Variants in FOXN3 observed in about 807,000 individuals in gnomAD.
FOXN3 encodes forkhead box N3, also known as forkhead box protein N3.
A neutral mutation model predicts 38.4 loss-of-function variants in FOXN3; 7 were observed. The observed-to-expected ratio is 0.18, with a 90% CI of 0.10 to 0.34. FOXN3 has a LOEUF of 0.34. Among genes scored for constraint, FOXN3 ranks in the 10% least tolerant of loss-of-function variants. The pLI is 1.00. For synonymous variants in FOXN3, 230 were observed against 242.2 expected (o/e 0.95, Z 0.47); for missense variants, 456 against 613.4 (o/e 0.74, Z 2.71).
intron 1 of FOXN3, among the ~76,000 whole-genome samples, chr14:89,541,140 G>A (rs1894784246): frequency 6.6e-6 from 1 of 152,160 alleles, no homozygotes. Context: ...TTGGATATAT[G>A]AATGGAACCA....
In FOXN3 at chr14:89,163,006, A is replaced by C; in HGVS notation, c.852-37T>G. On this transcript the variant is annotated intron_variant, in intron 5 of 5. Coordinates refer to ENST00000557258, the MANE Select transcript of FOXN3 (RefSeq NM_005197.4). The surrounding 1 kb of genome is among the most constrained non-coding windows in gnomAD (Gnocchi z 4.3). ...GGACAGTGGGGAGGGACGGGAGACA[A>C]AGAAGGGACACAGTTAGACGTCCTC... The C allele has an allele frequency of 6.7e-7, 1 of 1,501,776 alleles. No homozygotes were observed. The allele number at this position is 1,501,776 out of a possible 1,614,324, so 93.0% of individuals were successfully genotyped here.
chr14:89,360,827 CACCACT>C (rs1889521113), intron 2 of FOXN3, among the ~76,000 whole-genome samples: 2 of 111,440 alleles, frequency 1.8e-5, no homozygotes, highest in African/African-American at 9.6e-5. Flanking sequence ...CCACCACCTC[CACCACT>C]ACCACCTCCA....
At chr14:89,192,900 C>T (rs11844999) in intron 4 of FOXN3, among the ~76,000 whole-genome samples, 45,599 of 151,326 alleles carry the variant, frequency 0.3, 7,579 homozygotes, top group African/African-American at 0.44. Flanking sequence ...CCCACTGCCC[C>T]GGGTCCCTTG....
chr14:89,528,777 T>G (rs1894491771), intron 1 of FOXN3, among the ~76,000 whole-genome samples: 1 of 152,150 alleles, frequency 6.6e-6, no homozygotes, highest in Non-Finnish European at 1.5e-5. Flanking sequence ...TGCTATATGA[T>G]TCTATTATAT....
chr14:89,236,631 A>G (rs1465499668), intron 4 of FOXN3, among the ~76,000 whole-genome samples: 1 of 152,206 alleles, frequency 6.6e-6, no homozygotes, highest in African/African-American at 2.4e-5. Context: ...AGTAAGCCAG[A>G]AGGGGGTTTC....
At chr14:89,309,367 C>T (rs1435067023) in intron 3 of FOXN3, among the ~76,000 whole-genome samples, 2 of 152,162 alleles carry the variant, frequency 1.3e-5, no homozygotes, top group African/African-American at 4.8e-5. Flanking sequence ...CCCACAGTCA[C>T]TCACTGGGCA....
At chr14:89,512,803 G>T (rs1157358354) in intron 1 of FOXN3, among the ~76,000 whole-genome samples, 2 of 152,208 alleles carry the variant, frequency 1.3e-5, no homozygotes, top group Non-Finnish European at 2.9e-5. Context: ...GTCAGGTGGT[G>T]TGGGGGCAGA....
intron 1 of FOXN3, among the ~76,000 whole-genome samples, chr14:89,570,086 C>T (rs925412115): frequency 7.2e-5 from 11 of 151,786 alleles, no homozygotes; most frequent in Non-Finnish European, 1.3e-4. Flanking sequence ...CTGCAATCTC[C>T]GCCTCCCAGG....
chr14:89,363,249 G>A (rs955300200), intron 2 of FOXN3, among the ~76,000 whole-genome samples: 8 of 152,130 alleles, frequency 5.3e-5, no homozygotes, highest in African/African-American at 1.9e-4. Context: ...CCTCTTAGAG[G>A]CTGGGTTCTT....
At chr14:89,532,791 A>C (rs1040781408) in intron 1 of FOXN3, among the ~76,000 whole-genome samples, 2 of 152,344 alleles carry the variant, frequency 1.3e-5, no homozygotes, top group African/African-American at 4.8e-5. Context: ...CATAGATTTA[A>C]AAACAAAACA....
At position 89,336,101 on chromosome 14, in the gene FOXN3, T is replaced by G. The variant is rs115095091; in HGVS notation, c.680+14571A>C. Among the ~76,000 whole-genome samples the G allele has an allele frequency of 1.9e-3, 288 of 151,152 alleles. 2 individuals are homozygous for G. Among genetic ancestry groups the G allele is most frequent in the African/African-American group, 6.9e-3 (283 of 41,156 alleles). On this transcript the variant is annotated intron_variant, in intron 3 of 5. Coordinates refer to ENST00000557258, the MANE Select transcript of FOXN3 (RefSeq NM_005197.4). Reference sequence around the variant, plus strand: ...TTGTGTGATTCTCCCCACCCTACATTCGCTTTTCGATTTTGTCTAAAACAG... The same window carrying G: ...TTGTGTGATTCTCCCCACCCTACATGCGCTTTTCGATTTTGTCTAAAACAG...
At chr14:89,381,627 G>T (rs1348772618) in intron 2 of FOXN3, among the ~76,000 whole-genome samples, 1 of 151,864 alleles carries the variant, frequency 6.6e-6, no homozygotes, top group African/African-American at 2.4e-5. Flanking sequence ...GGGAGGCAGA[G>T]GTAGGAACAT....
At chr14:89,350,111 C>T (rs1385034380) in intron 3 of FOXN3, among the ~76,000 whole-genome samples, 1 of 152,036 alleles carries the variant, frequency 6.6e-6, no homozygotes, top group East Asian at 1.9e-4. Context: ...AAATGGTACC[C>T]ATGACCTTAC....
chr14:89,363,182 G>C (rs1478088389), intron 2 of FOXN3, among the ~76,000 whole-genome samples: 1 of 152,074 alleles, frequency 6.6e-6, no homozygotes, highest in African/African-American at 2.4e-5. Context: ...CCCTGCTCAG[G>C]AAGCCCCTCC....
intron 3 of FOXN3, among the ~76,000 whole-genome samples, chr14:89,345,039 T>C (rs916749659): frequency 1.3e-5 from 2 of 152,020 alleles, no homozygotes; most frequent in African/African-American, 4.8e-5. Context: ...AAGGTGTAGA[T>C]TCCCCAAGCA....
chr14:89,237,105 T>C (rs947701310), intron 4 of FOXN3, among the ~76,000 whole-genome samples: 3 of 151,086 alleles, frequency 2.0e-5, no homozygotes, highest in Non-Finnish European at 2.9e-5. Flanking sequence ...AGGGCAATAC[T>C]GAATATATAC....
chr14:89,168,335 G>A (rs1450799776), intron 5 of FOXN3, among the ~76,000 whole-genome samples: 1 of 152,068 alleles, frequency 6.6e-6, no homozygotes, highest in Non-Finnish European at 1.5e-5. Flanking sequence ...TATAATCCTG[G>A]AAATTAAAAA....
chr14:89,204,389 A>T (rs1888323424), intron 4 of FOXN3, among the ~76,000 whole-genome samples: 1 of 152,146 alleles, frequency 6.6e-6, no homozygotes, highest in South Asian at 2.1e-4. Flanking sequence ...AGCAGGTCTC[A>T]TGGGCACCGA....
chr14:89,241,565 C>T (rs1000008413), intron 4 of FOXN3, among the ~76,000 whole-genome samples: 4 of 152,154 alleles, frequency 2.6e-5, no homozygotes, highest in African/African-American at 9.7e-5. Flanking sequence ...CTATGTAAAG[C>T]GGAGTGCCTC....
Sources: allele counts gnomAD v4.1 joint callset (sites outside exome capture counted in the v4.1 genomes callset), GRCh38; gene constraint gnomAD v4.1.1; non-coding constraint Gnocchi (gnomAD v3.1); transcripts MANE v1.5; gene names NCBI Gene and HGNC (gene_info 2026-07-23, HGNC 2026-07-21).